The following NADK variants were observed in gnomAD, a reference collection of about 807,000 sequenced individuals.
NADK encodes NAD kinase.
In NADK, 22 loss-of-function variants were observed where a neutral mutation model predicts 49.8. That is an observed-to-expected ratio of 0.44 (90% CI 0.32 to 0.63). The LOEUF (loss-of-function observed/expected upper bound fraction) is 0.63, where lower values mean the gene tolerates loss of function less well. NADK is among the 30% of genes least tolerant of loss of function. The probability of loss-of-function intolerance (pLI) is 0.06; values close to 1 mark genes in which losing one functional copy is unlikely to be tolerated. For synonymous variants in NADK, 268 were observed against 253.7 expected (o/e 1.06, Z -0.54); for missense variants, 438 against 609.4 (o/e 0.72, Z 2.96).
intron 6 of NADK, 69 bp downstream of exon 6, chr1:1,756,189 T>C: frequency 1.4e-6 from 2 of 1,405,742 alleles, no homozygotes; most frequent in Non-Finnish European, 2.0e-6. Flanking sequence ...GAAGCCATGC[T>C]TGTGAGCCCC....
intron 3 of NADK, chr1:1,758,457 G>A (rs1359062400): frequency 5.6e-6 from 9 of 1,612,238 alleles, no homozygotes; most frequent in Non-Finnish European, 7.6e-6. Flanking sequence ...TCGCGAGGTA[G>A]CCCCTGCCTG....
chr1:1,770,797 C>T (rs371861918), intron 1 of NADK, among the ~76,000 whole-genome samples: 26 of 151,990 alleles, frequency 1.7e-4, no homozygotes, highest in African/African-American at 6.3e-4. Context: ...GCCTGTAATC[C>T]CAACACTGGG....
In NADK at chr1:1,755,620, C is replaced by T. The variant is rs146797485; in HGVS notation, c.586-144G>A. Reference sequence around the variant, plus strand: ...AGGAGGGACTGGCCATGTGGACAAGCGGAGGGGGACGTCGCAGGCCAGGGT... The same window carrying T: ...AGGAGGGACTGGCCATGTGGACAAGTGGAGGGGGACGTCGCAGGCCAGGGT... On this transcript the variant is annotated intron_variant, in intron 6 of 11. Transcript: ENST00000341426. 5.4e-3 allele frequency: 3,623 copies of T among 666,432 alleles called. 18 individuals are homozygous for T. The highest frequency in any genetic ancestry group is 8.7e-3 in the Middle Eastern group (21 of 2,418). The allele number at this position is 666,432 out of a possible 1,614,324, so 41.3% of individuals were successfully genotyped here. A position where few individuals can be genotyped will look rare whatever the true frequency, so the allele number is the denominator to read the frequency against.
chr1:1,771,909 G>GCAAT (rs1019030867), intron 1 of NADK, among the ~76,000 whole-genome samples: 2 of 150,572 alleles, frequency 1.3e-5, no homozygotes, highest in Non-Finnish European at 3.0e-5. Flanking sequence ...CCAGGCTCAA[G>GCAAT]CAATCCTCCC....
chr1:1,763,340 C>T (rs947366622), intron 2 of NADK, among the ~76,000 whole-genome samples: 20 of 152,084 alleles, frequency 1.3e-4, no homozygotes, highest in Non-Finnish European at 2.4e-4. Flanking sequence ...AAAAATTAGC[C>T]GGGCGTTGTG....
intron 10 of NADK, 66 bp downstream of exon 10, chr1:1,753,985 C>G: frequency 6.6e-7 from 1 of 1,512,980 alleles, no homozygotes; most frequent in Non-Finnish European, 8.8e-7. Context: ...GGTGCTAGGT[C>G]CCGGCTTTGT....
intron 3 of NADK, chr1:1,758,675 C>A: frequency 2.3e-6 from 3 of 1,303,352 alleles, no homozygotes; most frequent in Non-Finnish European, 9.8e-7. Context: ...TTATAAAAAT[C>A]AAACAAAACA....
In NADK at chr1:1,759,975, G is replaced by A. The variant is rs1205431854; in HGVS notation, c.263+1977C>T. 1.3e-5 allele frequency: 19 copies of A among 1,483,948 alleles called. No homozygotes were observed. In the South Asian group the frequency reaches 1.9e-4, roughly 15 times the overall value. The allele number at this position is 1,483,948 out of a possible 1,614,324, so 91.9% of individuals were successfully genotyped here. A position where few individuals can be genotyped will look rare whatever the true frequency, so the allele number is the denominator to read the frequency against. On this transcript the variant is annotated intron_variant, in intron 3 of 11. Transcript: ENST00000341426. ...GGCCCGGTGGGGTGCCAGGGACACA[G>A]CAAGCACAGGATGGCGGGACAGAGC... is the stretch of plus-strand genomic sequence containing the variant.
In NADK at chr1:1,768,391, CA is replaced by C. The variant is rs376398057; in HGVS notation, c.-40-2946del. The stretch of plus-strand genomic sequence containing the variant: ...TGTCTCTACAAAACAAAAACAAAAA[CA>C]AAACCAAAACAAAAACAGTTGGACA... On this transcript the variant is annotated intron_variant, in intron 1 of 11. Transcript: ENST00000341426. Among the ~76,000 whole-genome samples the C allele has an allele frequency of 5.2e-3, 793 of 152,060 alleles. 4 individuals are homozygous for C. Among genetic ancestry groups the C allele is most frequent in the Non-Finnish European group, 8.2e-3 (559 of 67,954 alleles).
At chr1:1,771,977 T>TTC (rs1469208396) in intron 1 of NADK, among the ~76,000 whole-genome samples, 2 of 150,996 alleles carry the variant, frequency 1.3e-5, no homozygotes, top group East Asian at 3.9e-4. Flanking sequence ...CTGGAAATTT[T>TTC]TTTTTTTTTT....
chr1:1,756,302 G>C lies in NADK; in HGVS notation c.541C>G (p.Leu181Val). ...ISNQIDFIIC[L>V]GGDGTLLYAS... ...TACAGCAGCGTCCCGTCTCCCCCCA[G>C]GCAGATGATGAAGTCTATCTGATTG... is the stretch of plus-strand genomic sequence containing the variant. The change falls in exon 6 of 12, where the codon CTG becomes GTG. Residue 181 changes from leucine to valine, a missense_variant. Physicochemically the swap from Leu to Val is conservative, Grantham distance 32. Transcript: ENST00000341426. The C allele has an allele frequency of 6.2e-7, 1 of 1,614,156 alleles. No homozygotes were observed. The highest frequency in any genetic ancestry group is 2.2e-5 in the East Asian group (1 of 44,886).
At chr1:1,760,745 C>T (rs1557846071) in intron 3 of NADK, among the ~76,000 whole-genome samples, 2 of 150,238 alleles carry the variant, frequency 1.3e-5, no homozygotes, top group East Asian at 2.0e-4. Flanking sequence ...AGAGCTGAGG[C>T]ACCAGTCCCA....
Position 1,754,167 on chromosome 1 carries a change from C to G in NADK, c.985G>C (p.Ala329Pro). ...TGGATCATGGAGGCCCCGGCCGCGG[C>G]CGCATACGCCGTGCTGCCCGTCGGG... Reference protein sequence around the residue: ...STPTGSTAYAAAAGASMIHPN... With the variant: ...STPTGSTAYAPAAGASMIHPN... Residue 329 changes from alanine (A) to proline (P), a missense_variant, in exon 10 of 12, where the codon GCC (alanine) becomes CCC (proline). Ala to Pro is a conservative substitution (Grantham distance 27, BLOSUM62 -1). Coordinates refer to ENST00000341426, the MANE Select transcript of NADK (RefSeq NM_023018.5). This position sits in a 1 kb window ranked among gnomAD's most constrained non-coding sequence, Gnocchi z 4.3. 6.2e-7 allele frequency: 1 copy of G among 1,612,306 alleles called. No individual in the cohort carries two copies. Among genetic ancestry groups the G allele is most frequent in the Non-Finnish European group, 8.5e-7 (1 of 1,179,664 alleles).
At chr1:1,759,952 C>A in intron 3 of NADK, 1 of 1,539,200 alleles carries the variant, frequency 6.5e-7, no homozygotes, top group Non-Finnish European at 8.8e-7. Flanking sequence ...GGGGGAGAGG[C>A]CCGGTGGGGT....
In NADK at chr1:1,765,348, G is replaced by A; in HGVS notation, c.59C>T (p.Ala20Val). 2 of 1,613,476 alleles carry A rather than the reference G, an allele frequency of 1.2e-6. No homozygotes were observed. The highest frequency in any genetic ancestry group is 1.7e-6 in the Non-Finnish European group (2 of 1,179,700). Reference sequence around the variant, plus strand: ...GCCGTGGCAGGCCGAGCAGCAGTAAGCAGCCGCGTCTGGACTCAATTCCTT... The same window carrying A: ...GCCGTGGCAGGCCGAGCAGCAGTAAACAGCCGCGTCTGGACTCAATTCCTT... ...MNKELSPDAA[A>V]YCCSACHGDE... Residue 20 changes from alanine (A) to valine (V), a missense_variant, in exon 2 of 12, where the codon GCT becomes GTT. Coordinates refer to ENST00000341426, the MANE Select transcript of NADK (RefSeq NM_023018.5).
intron 1 of NADK, among the ~76,000 whole-genome samples, chr1:1,776,557 C>CCT (rs1171650648): frequency 1.3e-5 from 2 of 152,026 alleles, no homozygotes; most frequent in African/African-American, 4.8e-5. Flanking sequence ...GGGCTGATCA[C>CCT]GAGGTCAGGA....
At chr1:1,771,001 T>C (rs907944090) in intron 1 of NADK, among the ~76,000 whole-genome samples, 2 of 147,298 alleles carry the variant, frequency 1.4e-5, no homozygotes, top group East Asian at 2.0e-4. Flanking sequence ...TAAGCCGAGA[T>C]TGCACTGCAG....
In NADK at chr1:1,778,392, C is replaced by A; in HGVS notation, c.-144G>T. ...GCCGTCGCTACCTGGCCCTTGGCGC[C>A]CTGGCCGCCTGTTGCCCCATGGCCG... On this transcript the variant is annotated 5_prime_UTR_variant, in exon 1 of 12. Coordinates refer to ENST00000341426, the MANE Select transcript of NADK (RefSeq NM_023018.5). This position sits in a 1 kb window ranked among gnomAD's most constrained non-coding sequence, Gnocchi z 4.9. 6.7e-6 allele frequency: 1 copy of A among 149,848 alleles called. No individual in the cohort carries two copies. Among genetic ancestry groups the A allele is most frequent in the South Asian group, 2.0e-4 (1 of 5,090 alleles). 9.3% of individuals were successfully genotyped at this position (149,848 alleles called of 1,614,324 possible).
At chr1:1,759,265 C>T in intron 3 of NADK, 2 of 1,551,510 alleles carry the variant, frequency 1.3e-6, no homozygotes, top group Non-Finnish European at 1.7e-6. Context: ...GACACCAGCC[C>T]TTGCAGGCAC....
Sources: allele counts gnomAD v4.1 joint callset (sites outside exome capture counted in the v4.1 genomes callset), GRCh38; gene constraint gnomAD v4.1.1; non-coding constraint Gnocchi (gnomAD v3.1); transcripts MANE v1.5; gene names NCBI Gene and HGNC (gene_info 2026-07-23, HGNC 2026-07-21).